The following FGF14 variants were observed in gnomAD, a reference collection of about 807,000 sequenced individuals.
FGF14 encodes fibroblast growth factor 14.
FGF14 carries 5 observed loss-of-function variants against 25.5 expected under a neutral mutation model. The ratio of observed to expected loss-of-function variants is 0.20; its 90% confidence interval spans 0.10 to 0.41. The LOEUF (loss-of-function observed/expected upper bound fraction) is 0.41, where lower values mean the gene tolerates loss of function less well. Ranked by LOEUF, FGF14 falls within the 10% of genes least tolerant of loss-of-function variation. FGF14 has a pLI of 1.00. For missense variants in FGF14, 222 were observed against 320.1 expected, an observed-to-expected ratio of 0.69 and a Z score of 2.34; for synonymous variants, 138 against 118.3, an observed-to-expected ratio of 1.17 and a Z score of -1.08.
rs2039387824 is a variant in FGF14 at position 101,999,880 on chromosome 13, C to A, written c.209-124584G>T. Among the ~76,000 whole-genome samples, 3 of 152,106 alleles carry A rather than the reference C, an allele frequency of 2.0e-5. No individual in the cohort carries two copies. The South Asian group carries it at 6.2e-4, about 32-fold the overall frequency. ...CTTCTCTATTTCTGCCACTAAGGATCCACTCAAAGGGGGTTTCTCCATAGG... is the reference window on the plus strand; with the variant it reads ...CTTCTCTATTTCTGCCACTAAGGATACACTCAAAGGGGGTTTCTCCATAGG... On this transcript the variant is annotated intron_variant, in intron 1 of 4. Transcript: ENST00000376131.
chr13:101,930,185 A>G (rs894243536), intron 1 of FGF14, among the ~76,000 whole-genome samples: 2 of 152,230 alleles, frequency 1.3e-5, no homozygotes, highest in Non-Finnish European at 2.9e-5. Context: ...AGACACTTGA[A>G]AAAACAAACC....
chr13:102,199,123 T>A (rs1176545110), intron 1 of FGF14, among the ~76,000 whole-genome samples: 1 of 152,246 alleles, frequency 6.6e-6, no homozygotes, highest in African/African-American at 2.4e-5. Flanking sequence ...AGTTTTATTA[T>A]CTTTGCTGTG....
At chr13:101,998,439 G>A (rs1202379493) in intron 1 of FGF14, among the ~76,000 whole-genome samples, 2 of 152,210 alleles carry the variant, frequency 1.3e-5, no homozygotes, top group Admixed American at 6.5e-5. Context: ...CTTTGGGAGA[G>A]AATGGGGTGC....
rs149166179 is a variant in FGF14, at chr13:101,782,579, C to A, written c.409-55769G>T. Among the ~76,000 whole-genome samples, 655 of 152,284 alleles carry A rather than the reference C, an allele frequency of 4.3e-3. 5 individuals are homozygous for A. The highest frequency in any genetic ancestry group is 0.015 in the African/African-American group (619 of 41,562). Reference sequence around the variant, plus strand: ...AAAGACCTCAGTGTCCGTTCTTCCCCTCTGTGTGTCCATGAGTTCTCATCA... The same window carrying A: ...AAAGACCTCAGTGTCCGTTCTTCCCATCTGTGTGTCCATGAGTTCTCATCA... On this transcript the variant is annotated intron_variant, in intron 3 of 4. Transcript: ENST00000376143.
intron 1 of FGF14, among the ~76,000 whole-genome samples, chr13:102,339,331 G>T (rs935516816): frequency 1.3e-5 from 2 of 151,918 alleles, no homozygotes; most frequent in African/African-American, 2.4e-5. Context: ...CAAACATAAA[G>T]AAATTATTTA....
chr13:102,324,110 T>A (rs2056342703), intron 1 of FGF14, among the ~76,000 whole-genome samples: 2 of 152,038 alleles, frequency 1.3e-5, no homozygotes. Flanking sequence ...ATGATAATAT[T>A]TTTACACTCA....
intron 1 of FGF14, among the ~76,000 whole-genome samples, chr13:102,139,270 C>T (rs1173026285): frequency 2.6e-5 from 4 of 151,986 alleles, no homozygotes; most frequent in African/African-American, 7.3e-5. Context: ...CGTGGTAGCA[C>T]GTGCCTGTAA....
chr13:101,884,407 A>G (rs1467315581), intron 1 of FGF14, among the ~76,000 whole-genome samples: 1 of 152,112 alleles, frequency 6.6e-6, no homozygotes. Flanking sequence ...CAGGGAATGG[A>G]ATGATTTAGT....
chr13:101,925,811 A>G (rs1406737206), intron 1 of FGF14, among the ~76,000 whole-genome samples: 3 of 152,214 alleles, frequency 2.0e-5, no homozygotes, highest in Non-Finnish European at 2.9e-5. Flanking sequence ...GCAGGTAGAC[A>G]GTCCCAAATC....
chr13:102,300,241 C>T (rs1166888308), intron 1 of FGF14: 1 of 152,140 alleles, frequency 6.6e-6, no homozygotes, highest in African/African-American at 2.4e-5. Context: ...GCTCATAACT[C>T]ATCTCTCCCA....
At position 102,277,371 on chromosome 13, in the gene FGF14, C is replaced by G. The variant is rs540851512; in HGVS notation, c.208+124100G>C. 2.0e-4 allele frequency among the ~76,000 whole-genome samples: 31 copies of G among 152,372 alleles called. No individual in the cohort carries two copies. The South Asian group carries it at 6.0e-3, about 30-fold the overall frequency. On this transcript the variant is annotated intron_variant, in intron 1 of 4. Coordinates refer to the FGF14 transcript ENST00000376131. ...CCTAAAGGAGAGAATGTCCCCCTCTCAGCTATCTCTGGGAAGTGTGCAGGG... is the reference window on the plus strand; with the variant it reads ...CCTAAAGGAGAGAATGTCCCCCTCTGAGCTATCTCTGGGAAGTGTGCAGGG...
chr13:101,791,979 CA>C (rs1372026159), intron 3 of FGF14, among the ~76,000 whole-genome samples: 1 of 152,072 alleles, frequency 6.6e-6, no homozygotes, highest in East Asian at 1.9e-4. Flanking sequence ...ATGTACTACC[CA>C]ATGAACATAA....
chr13:102,211,954 T>C (rs1202900071), intron 1 of FGF14, among the ~76,000 whole-genome samples: 3 of 152,212 alleles, frequency 2.0e-5, no homozygotes, highest in Non-Finnish European at 2.9e-5. Context: ...TAAATGTCCA[T>C]TCCATTAAGT....
At chr13:102,040,594 G>A (rs533979282) in intron 1 of FGF14, among the ~76,000 whole-genome samples, 11 of 152,272 alleles carry the variant, frequency 7.2e-5, no homozygotes, top group Admixed American at 3.9e-4. Flanking sequence ...AAGCTTCTTT[G>A]TAGGATATAT....
At chr13:101,926,118 C>G (rs571962174) in intron 1 of FGF14, among the ~76,000 whole-genome samples, 1 of 152,306 alleles carries the variant, frequency 6.6e-6, no homozygotes, top group South Asian at 2.1e-4. Context: ...TGTAAACTGA[C>G]GTATTCACAT....
chr13:102,189,777 G>A (rs1182355368), intron 1 of FGF14, among the ~76,000 whole-genome samples: 1 of 152,128 alleles, frequency 6.6e-6, no homozygotes, highest in Non-Finnish European at 1.5e-5. Context: ...TTGGCTTCTG[G>A]TGAGGCCTCA....
At chr13:102,149,725 C>T (rs1411697565) in intron 1 of FGF14, among the ~76,000 whole-genome samples, 2 of 152,174 alleles carry the variant, frequency 1.3e-5, no homozygotes, top group Non-Finnish European at 2.9e-5. Context: ...GACAGGGCGA[C>T]GAAGTCGAGG....
chr13:102,204,682 G>A (rs1234289241), intron 1 of FGF14, among the ~76,000 whole-genome samples: 1 of 152,052 alleles, frequency 6.6e-6, no homozygotes, highest in East Asian at 1.9e-4. Flanking sequence ...GAGTAGCTGG[G>A]ATTACAGGCA....
At chr13:101,806,936 G>A (rs1228440543) in intron 3 of FGF14, among the ~76,000 whole-genome samples, 1 of 152,016 alleles carries the variant, frequency 6.6e-6, no homozygotes, top group African/African-American at 2.4e-5. Context: ...TACTCAGAGT[G>A]ACTTTTTTTC....
Sources: allele counts gnomAD v4.1 joint callset (sites outside exome capture counted in the v4.1 genomes callset), GRCh38; gene constraint gnomAD v4.1.1; transcripts MANE v1.5; gene names NCBI Gene and HGNC (gene_info 2026-07-23, HGNC 2026-07-21).